The following TPPP variants were observed in gnomAD, a reference collection of about 807,000 sequenced individuals.
The protein encoded by TPPP is tubulin polymerization promoting protein, also known as tubulin polymerization-promoting protein.
Under a neutral mutation model 15.5 loss-of-function variants are expected in TPPP, and 6 were observed. That is an observed-to-expected ratio of 0.39 (90% confidence interval 0.21 to 0.77). TPPP has a LOEUF of 0.77. Among genes scored for constraint, TPPP ranks in the 30% least tolerant of loss-of-function variants. The pLI is 0.42. For synonymous variants in TPPP, 146 were observed against 133.9 expected (o/e 1.09, Z -0.63); for missense variants, 269 against 307.2 (o/e 0.88, Z 0.93).
chr5:693,595 A>C (rs1561097235), upstream of TPPP, among the ~76,000 whole-genome samples: 1 of 151,428 alleles, frequency 6.6e-6, no homozygotes, highest in Non-Finnish European at 1.5e-5. Flanking sequence ...CGCTCAGCGC[A>C]GGGCGCGGCC....
At chr5:673,467 G>C (rs149341050) in intron 2 of TPPP, among the ~76,000 whole-genome samples, 91 of 152,154 alleles carry the variant, frequency 6.0e-4, no homozygotes, top group African/African-American at 2.1e-3. Flanking sequence ...AATGGGGAGG[G>C]GGGGAGGTCA....
intron 2 of TPPP, among the ~76,000 whole-genome samples, chr5:675,563 G>GA (rs1740402586): frequency 1.5e-5 from 2 of 135,720 alleles, no homozygotes; most frequent in African/African-American, 5.3e-5. Flanking sequence ...GGTGCAGTGT[G>GA]GCTGGGGGTG....
intron 3 of TPPP, among the ~76,000 whole-genome samples, chr5:665,625 C>G (rs965157083): frequency 8.1e-6 from 1 of 124,168 alleles, no homozygotes; most frequent in Non-Finnish European, 1.9e-5. Context: ...CAATCCATGC[C>G]CCTTCAGACC....
intron 1 of TPPP, among the ~76,000 whole-genome samples, chr5:688,525 G>A (rs1326621979): frequency 1.3e-5 from 2 of 152,138 alleles, no homozygotes; most frequent in Non-Finnish European, 2.9e-5. Context: ...CGGACGGTGA[G>A]TAAGACCCCA....
chr5:678,568 G>A (rs1740528563), intron 1 of TPPP, among the ~76,000 whole-genome samples: 1 of 138,446 alleles, frequency 7.2e-6, no homozygotes, highest in South Asian at 2.1e-4. Flanking sequence ...CAGCAGTCGT[G>A]CGACAGCCGC....
At position 677,825 on chromosome 5, in the gene TPPP, A is replaced by G; in HGVS notation, c.236T>C (p.Leu79Pro). 6.2e-7 allele frequency: 1 copy of G among 1,610,740 alleles called. No individual in the cohort carries two copies. Among genetic ancestry groups the G allele is most frequent in the Non-Finnish European group, 8.5e-7 (1 of 1,178,610 alleles). Residue 79 changes from leucine to proline, a missense_variant, in exon 2 of 4, where the codon CTG (leucine) becomes CCG (proline). Leu to Pro is a moderately conservative substitution (Grantham distance 98). Coordinates refer to ENST00000360578, the MANE Select transcript of TPPP (RefSeq NM_007030.3). The part of the protein sequence containing the change: ...REMHGKNWSK[L>P]CKDCQVIDGR... ...GTCGATCACCTGGCAGTCCTTGCAC[A>G]GCTTCGACCAGTTCTTGCCGTGCAT...
chr5:682,580 C>G (rs1364538490), intron 1 of TPPP, among the ~76,000 whole-genome samples: 2 of 146,582 alleles, frequency 1.4e-5, no homozygotes, highest in Admixed American at 1.3e-4. Flanking sequence ...CAGGGGTCTG[C>G]CCCTTGGGCC....
chr5:665,369 C>T, intron 3 of TPPP, 73 bp from the exon 4 acceptor site: 1 of 1,452,216 alleles, frequency 6.9e-7, no homozygotes, highest in Non-Finnish European at 9.3e-7. Flanking sequence ...AATGGCTGTG[C>T]CCTGGGCAGG....
upstream of TPPP, among the ~76,000 whole-genome samples, chr5:697,122 G>A (rs893592809): frequency 6.6e-6 from 1 of 151,392 alleles, no homozygotes; most frequent in Non-Finnish European, 1.5e-5. Flanking sequence ...GTTATTCTGG[G>A]GGTGGAATTG....
chr5:675,013 AGTGTGGCCGGGGG>A (rs1740355621), intron 2 of TPPP, among the ~76,000 whole-genome samples: 1 of 83,336 alleles, frequency 1.2e-5, no homozygotes, highest in Non-Finnish European at 2.3e-5. Context: ...AGGGGGGCAC[AGTGTGGCCGGGGG>A]AGCAGTGAGG....
At chr5:693,886 A>G (rs2126918980), upstream of TPPP, among the ~76,000 whole-genome samples, 1 of 148,614 alleles carries the variant, frequency 6.7e-6, no homozygotes, top group East Asian at 2.0e-4. Context: ...GGGTGCTCGG[A>G]CCCCAAGGCG....
Position 668,084 on chromosome 5 carries a change from T to G in TPPP, c.312-1961A>C, listed in dbSNP as rs56828905. 8.3e-5 allele frequency among the ~76,000 whole-genome samples: 4 copies of G among 47,958 alleles called. 1 individual carries two copies. Among genetic ancestry groups the G allele is most frequent in the Non-Finnish European group, 9.8e-5 (3 of 30,526 alleles). The allele number at this position is 47,958 out of a possible 152,430, so 31.5% of individuals were successfully genotyped here. Reference sequence around the variant, plus strand: ...TACCGACAAGCACACTGGAGAGGGGTCCGCGTGGGCCCCATCAGGGAAGTA... The same window carrying G: ...TACCGACAAGCACACTGGAGAGGGGGCCGCGTGGGCCCCATCAGGGAAGTA... On this transcript the variant is annotated intron_variant, in intron 2 of 3. Transcript: ENST00000360578.
In TPPP at chr5:664,911, T is replaced by G; in HGVS notation, c.*191A>C. Reference sequence around the variant, plus strand: ...AGCGAACTGGGGCCCAAACCTGGTTTGAGAGGGGAGTGCTGGGGGCATCCG... The same window carrying G: ...AGCGAACTGGGGCCCAAACCTGGTTGGAGAGGGGAGTGCTGGGGGCATCCG... On this transcript the variant is annotated 3_prime_UTR_variant, in exon 4 of 4. Transcript: ENST00000360578. 1.6e-6 allele frequency: 1 copy of G among 622,732 alleles called. No individual in the cohort carries two copies. Among genetic ancestry groups the G allele is most frequent in the Non-Finnish European group, 2.8e-6 (1 of 362,746 alleles). 38.6% of individuals were successfully genotyped at this position (622,732 alleles called of 1,614,324 possible).
intron 1 of TPPP, among the ~76,000 whole-genome samples, chr5:683,145 C>T (rs527458350): frequency 2.0e-5 from 3 of 152,238 alleles, no homozygotes; most frequent in South Asian, 2.1e-4. Flanking sequence ...CCCCAGAGCT[C>T]GCTCGCAGGC....
rs913916278 is a variant in TPPP, at chr5:664,668, A to G, written c.*434T>C. The stretch of plus-strand genomic sequence containing the variant: ...ACCTCCCACGTCCGGTGTGGGGCCA[A>G]TTCCGTGTTAGTTGCCTGCTGGTTG... On this transcript the variant is annotated 3_prime_UTR_variant, in exon 4 of 4. Coordinates refer to ENST00000360578, the MANE Select transcript of TPPP (RefSeq NM_007030.3). 4 of 176,232 alleles carry G rather than the reference A, an allele frequency of 2.3e-5. No individual in the cohort carries two copies. Among genetic ancestry groups the G allele is most frequent in the Non-Finnish European group, 3.6e-5 (3 of 83,042 alleles). 10.9% of individuals were successfully genotyped at this position (176,232 alleles called of 1,614,324 possible). A position where few individuals can be genotyped will look rare whatever the true frequency, so the allele number is the denominator to read the frequency against.
intron 1 of TPPP, among the ~76,000 whole-genome samples, chr5:684,681 G>A (rs890739675): frequency 1.3e-5 from 2 of 152,106 alleles, no homozygotes; most frequent in African/African-American, 4.8e-5. Flanking sequence ...CATGCCCAGG[G>A]TGGACACCGT....
At chr5:670,764 A>G (rs1740192517) in intron 2 of TPPP, among the ~76,000 whole-genome samples, 1 of 152,188 alleles carries the variant, frequency 6.6e-6, no homozygotes, top group South Asian at 2.1e-4. Flanking sequence ...AGCAAGATAC[A>G]GAGGACCTAG....
At chr5:666,860 C>G (rs951605312) in intron 2 of TPPP, 4 of 152,214 alleles carry the variant, frequency 2.6e-5, no homozygotes, top group Non-Finnish European at 5.9e-5. Flanking sequence ...TCTCCTCTGA[C>G]CAGATCTACC....
intron 2 of TPPP, among the ~76,000 whole-genome samples, chr5:675,117 G>GA (rs1740363421): frequency 7.5e-6 from 1 of 133,128 alleles, no homozygotes; most frequent in Non-Finnish European, 1.6e-5. Flanking sequence ...GCAGCACGGG[G>GA]GGTACAGTGT....
Sources: gnomAD v4.1 joint callset for allele counts (sites outside exome capture counted in the v4.1 genomes callset) on GRCh38, gnomAD v4.1.1 for gene constraint, MANE v1.5 for transcripts, NCBI Gene and HGNC (gene_info 2026-07-23, HGNC 2026-07-21) for gene names.